Variants in SCFD2 observed in about 807,000 individuals in gnomAD.
SCFD2 encodes sec1 family domain containing 2, also known as sec1 family domain-containing protein 2.
A neutral mutation model predicts 58.9 loss-of-function variants in SCFD2; 54 were observed. The observed-to-expected ratio is 0.92, with a 90% CI of 0.74 to 1.15. The LOEUF is 1.15. Ranked by LOEUF, SCFD2 falls within the 50% of genes most tolerant of loss-of-function variation. The pLI is 0.00. For missense variants in SCFD2, 805 were observed against 836.6 expected, an observed-to-expected ratio of 0.96 and a Z score of 0.47; for synonymous variants, 321 against 335.9, an observed-to-expected ratio of 0.96 and a Z score of 0.49.
intron 4 of SCFD2, among the ~76,000 whole-genome samples, chr4:53,204,452 AAT>A (rs954009931): frequency 6.6e-6 from 1 of 151,792 alleles, no homozygotes; most frequent in Non-Finnish European, 1.5e-5. Flanking sequence ...TGAAATTAAA[AAT>A]ATGAGCAAAA....
chr4:52,918,363 A>G (rs1560480596), intron 6 of SCFD2, among the ~76,000 whole-genome samples: 1 of 152,204 alleles, frequency 6.6e-6, no homozygotes, highest in African/African-American at 2.4e-5. Context: ...TACCTAACAA[A>G]TATTTACTAA....
chr4:52,886,435 G>A (rs545343056), intron 7 of SCFD2, among the ~76,000 whole-genome samples: 68 of 152,274 alleles, frequency 4.5e-4, no homozygotes, highest in African/African-American at 1.6e-3. Context: ...TTTCTTCTTG[G>A]GCATGGGACA....
At chr4:52,905,915 T>A (rs924497087) in intron 7 of SCFD2, among the ~76,000 whole-genome samples, 1 of 152,230 alleles carries the variant, frequency 6.6e-6, no homozygotes, top group Non-Finnish European at 1.5e-5. Context: ...TTCTATAATA[T>A]ATTCCATATT....
intron 5 of SCFD2, among the ~76,000 whole-genome samples, chr4:53,086,282 T>C (rs1724302252): frequency 6.6e-6 from 1 of 152,150 alleles, no homozygotes; most frequent in African/African-American, 2.4e-5. Context: ...CATGAAAAGG[T>C]GTTCAATATC....
At chr4:52,949,360 T>C (rs1349006100) in intron 5 of SCFD2, 1 of 152,192 alleles carries the variant, frequency 6.6e-6, no homozygotes, top group Admixed American at 6.5e-5. Flanking sequence ...GTGGTTGGGG[T>C]GTACAGCCTA....
intron 5 of SCFD2, among the ~76,000 whole-genome samples, chr4:53,123,535 G>T (rs906874824): frequency 1.5e-5 from 2 of 136,328 alleles, no homozygotes; most frequent in East Asian, 2.4e-4. Context: ...ATGGGGGTGG[G>T]GGGGGGGCAC....
chr4:52,908,318 C>T (rs527833536), intron 6 of SCFD2, among the ~76,000 whole-genome samples: 25 of 152,312 alleles, frequency 1.6e-4, no homozygotes, highest in South Asian at 1.0e-3. Context: ...ATTGACCCTG[C>T]GCTTTCTGAG....
intron 4 of SCFD2, among the ~76,000 whole-genome samples, chr4:53,174,365 T>C (rs759072842): frequency 6.6e-6 from 1 of 151,948 alleles, no homozygotes; most frequent in Non-Finnish European, 1.5e-5. Context: ...TGTAAAGATA[T>C]CCAGAATTAG....
intron 4 of SCFD2, among the ~76,000 whole-genome samples, chr4:53,239,195 C>T (rs1729801210): frequency 6.6e-6 from 1 of 151,768 alleles, no homozygotes; most frequent in South Asian, 2.1e-4. Flanking sequence ...CCCGTCTCCA[C>T]CAAAACCAGT....
At chr4:52,971,924 T>G (rs12504787) in intron 5 of SCFD2, among the ~76,000 whole-genome samples, 50,101 of 151,894 alleles carry the variant, frequency 0.33, 9,261 homozygotes, top group Admixed American at 0.46. Context: ...CTAAGCTTCA[T>G]AAGTGAAGGA....
chr4:53,244,431 C>T (rs1330572061), intron 4 of SCFD2, among the ~76,000 whole-genome samples: 1 of 152,020 alleles, frequency 6.6e-6, no homozygotes, highest in Non-Finnish European at 1.5e-5. Flanking sequence ...AATTCAAGAC[C>T]AAGAAAATCA....
At chr4:53,036,662 G>C (rs971631484) in intron 5 of SCFD2, among the ~76,000 whole-genome samples, 1 of 151,862 alleles carries the variant, frequency 6.6e-6, no homozygotes, top group Non-Finnish European at 1.5e-5. Context: ...ATGGACATAG[G>C]GAGGGGAACA....
chr4:53,307,755 A>T (rs1732561668), intron 3 of SCFD2, among the ~76,000 whole-genome samples: 1 of 152,200 alleles, frequency 6.6e-6, no homozygotes, highest in Non-Finnish European at 1.5e-5. Context: ...GGTACCTCTG[A>T]GGAGAGGGTG....
intron 4 of SCFD2, among the ~76,000 whole-genome samples, chr4:53,184,957 G>C (rs1727696765): frequency 6.6e-6 from 1 of 152,022 alleles, no homozygotes; most frequent in African/African-American, 2.4e-5. Context: ...CTCTTTGCTA[G>C]AGGGAAAAAG....
intron 3 of SCFD2, among the ~76,000 whole-genome samples, chr4:53,293,134 T>C (rs1419325647): frequency 6.6e-6 from 1 of 152,040 alleles, no homozygotes; most frequent in African/African-American, 2.4e-5. Context: ...TAAAAAGGAA[T>C]GAGATCATGT....
intron 5 of SCFD2, among the ~76,000 whole-genome samples, chr4:53,136,610 C>A (rs1725950562): frequency 1.3e-5 from 2 of 152,186 alleles, no homozygotes; most frequent in African/African-American, 4.8e-5. Flanking sequence ...AGTAGTGTAT[C>A]TGCAAATAAA....
At chr4:52,949,133 A>G (rs1436301949) in intron 5 of SCFD2, 1 of 152,282 alleles carries the variant, frequency 6.6e-6, no homozygotes, top group African/African-American at 2.4e-5. Context: ...AGGACACTCA[A>G]ATATTCTCAG....
intron 5 of SCFD2, among the ~76,000 whole-genome samples, chr4:52,934,250 G>A (rs1720071843): frequency 6.6e-6 from 1 of 152,096 alleles, no homozygotes; most frequent in Non-Finnish European, 1.5e-5. Context: ...GAAAAAAAAT[G>A]TGCAAATTGT....
intron 3 of SCFD2, among the ~76,000 whole-genome samples, chr4:53,291,179 T>C (rs1462483588): frequency 1.3e-5 from 2 of 152,134 alleles, no homozygotes; most frequent in South Asian, 2.1e-4. Flanking sequence ...CTGATGCACA[T>C]TGATGTAAAA....
Sources: allele counts gnomAD v4.1 joint callset (sites outside exome capture counted in the v4.1 genomes callset), GRCh38; gene constraint gnomAD v4.1.1; transcripts MANE v1.5; gene names NCBI Gene and HGNC (gene_info 2026-07-23, HGNC 2026-07-21).